Variants in TCF4 observed in about 807,000 individuals in gnomAD.
TCF4 encodes transcription factor 4.
A neutral mutation model predicts 82.1 loss-of-function variants in TCF4; 3 were observed. The observed-to-expected ratio is 0.04, with a 90% CI of 0.02 to 0.09. The LOEUF (loss-of-function observed/expected upper bound fraction) is 0.09. TCF4 is among the 10% of genes least tolerant of loss of function. TCF4 has a pLI of 1.00. For synonymous variants in TCF4, 276 were observed against 309.6 expected (o/e 0.89, Z 1.14); for missense variants, 518 against 852.7 (o/e 0.61, Z 4.89).
chr18:55,276,592 T>C (rs1002679509), intron 9 of TCF4, among the ~76,000 whole-genome samples: 9 of 152,204 alleles, frequency 5.9e-5, no homozygotes, highest in African/African-American at 1.9e-4. Context: ...TATTAATGAT[T>C]GCTAATGTTT....
rs2144677717 is a variant in TCF4, at chr18:55,347,795, A to T, written c.549+2564T>A. 1.3e-5 allele frequency among the ~76,000 whole-genome samples: 2 copies of T among 152,290 alleles called. 1 individual carries two copies. The highest frequency in any genetic ancestry group is 4.1e-4 in the South Asian group (2 of 4,826). The stretch of plus-strand genomic sequence containing the variant: ...CCACTTCAAAATGGGGGGTAAAGTG[A>T]GTTGCCACAACAGATTGTGACAGAT... On this transcript the variant is annotated intron_variant, in intron 8 of 19. Transcript: ENST00000354452.
At chr18:55,373,203 AT>A (rs1457686994) in intron 6 of TCF4, among the ~76,000 whole-genome samples, 9 of 151,792 alleles carry the variant, frequency 5.9e-5, no homozygotes, top group African/African-American at 1.9e-4. Context: ...TATATAAAAA[AT>A]ATGTAATATA....
At chr18:55,366,790 AT>A (rs1453413668) in intron 6 of TCF4, among the ~76,000 whole-genome samples, 2 of 151,960 alleles carry the variant, frequency 1.3e-5, no homozygotes, top group East Asian at 3.9e-4. Flanking sequence ...CCATAGGGTC[AT>A]TTTTTTCATT....
chr18:55,370,424 A>T (rs1162588257), intron 6 of TCF4, among the ~76,000 whole-genome samples: 1 of 137,702 alleles, frequency 7.3e-6, no homozygotes, highest in Non-Finnish European at 1.6e-5. Flanking sequence ...ATAGATAGAC[A>T]GATGATAGAT....
At chr18:55,301,201 G>A (rs776073925) in intron 8 of TCF4, among the ~76,000 whole-genome samples, 1 of 152,086 alleles carries the variant, frequency 6.6e-6, no homozygotes, top group Non-Finnish European at 1.5e-5. Flanking sequence ...GCATCCCATT[G>A]TTCTCACAGC....
At chr18:55,311,841 G>C (rs2072562324) in intron 8 of TCF4, among the ~76,000 whole-genome samples, 1 of 152,162 alleles carries the variant, frequency 6.6e-6, no homozygotes, top group African/African-American at 2.4e-5. Context: ...AAAAATTTCT[G>C]AGGAATAAAC....
intron 15 of TCF4, among the ~76,000 whole-genome samples, chr18:55,246,449 A>C (rs1288092291): frequency 1.3e-5 from 2 of 152,132 alleles, no homozygotes; most frequent in Non-Finnish European, 2.9e-5. Flanking sequence ...ATTTGAGTAA[A>C]ATATGTATTC....
chr18:55,436,681 C>T (rs1205236785), intron 5 of TCF4, among the ~76,000 whole-genome samples: 1 of 152,172 alleles, frequency 6.6e-6, no homozygotes, highest in African/African-American at 2.4e-5. Context: ...CAGTGCTGAG[C>T]AGCCTGAGGT....
chr18:55,555,281 A>G (rs1240148363), intron 3 of TCF4, among the ~76,000 whole-genome samples: 1 of 152,160 alleles, frequency 6.6e-6, no homozygotes, highest in Non-Finnish European at 1.5e-5. Flanking sequence ...TGCGAATACT[A>G]AAAAGAAAGC....
At chr18:55,608,446 C>T (rs181760571) in intron 2 of TCF4, among the ~76,000 whole-genome samples, 3 of 144,702 alleles carry the variant, frequency 2.1e-5, no homozygotes, top group Admixed American at 1.5e-4. Flanking sequence ...AATAAATGGA[C>T]CTTGAGTATG....
intron 3 of TCF4, among the ~76,000 whole-genome samples, chr18:55,563,031 C>T (rs1012200943): frequency 1.3e-5 from 2 of 151,952 alleles, no homozygotes; most frequent in Non-Finnish European, 2.9e-5. Context: ...CTTGAGCCTA[C>T]GAGTTACGGA....
intron 3 of TCF4, among the ~76,000 whole-genome samples, chr18:55,489,458 G>GT (rs1433106125): frequency 3.3e-5 from 5 of 152,122 alleles, no homozygotes; most frequent in Non-Finnish European, 5.9e-5. Context: ...TACCAGGCGA[G>GT]TATCAGGGCA....
chr18:55,277,952 C>T (rs1003170861), intron 9 of TCF4, among the ~76,000 whole-genome samples: 6 of 152,122 alleles, frequency 3.9e-5, no homozygotes, highest in Non-Finnish European at 8.8e-5. Flanking sequence ...GCACAAAACG[C>T]ACCCAGGTGA....
At chr18:55,432,281 C>A (rs966097060) in intron 5 of TCF4, among the ~76,000 whole-genome samples, 1 of 151,982 alleles carries the variant, frequency 6.6e-6, no homozygotes, top group Non-Finnish European at 1.5e-5. Context: ...CCAGCCTGGG[C>A]GACAGAGTGA....
At chr18:55,484,393 G>T (rs1182545973) in intron 3 of TCF4, among the ~76,000 whole-genome samples, 1 of 152,152 alleles carries the variant, frequency 6.6e-6, no homozygotes, top group Non-Finnish European at 1.5e-5. Context: ...AATTAAAGAT[G>T]CATTTGAGAG....
At chr18:55,510,762 G>A (rs762733010) in intron 3 of TCF4, 5 of 1,278,044 alleles carry the variant, frequency 3.9e-6, no homozygotes, top group Non-Finnish European at 4.9e-6. Context: ...AACAGAACAT[G>A]AGTTAATGAT....
chr18:55,489,788 TGA>T (rs1391850425), intron 3 of TCF4, among the ~76,000 whole-genome samples: 1 of 152,134 alleles, frequency 6.6e-6, no homozygotes, highest in Non-Finnish European at 1.5e-5. Context: ...CAACACTCAA[TGA>T]GAGTCTGTTC....
intron 5 of TCF4, among the ~76,000 whole-genome samples, chr18:55,456,877 T>C (rs951193463): frequency 6.6e-6 from 1 of 152,164 alleles, no homozygotes; most frequent in Non-Finnish European, 1.5e-5. Context: ...TTTCATCAAA[T>C]TGTTTAAAAA....
rs2046668484 is a variant in TCF4, at chr18:55,226,892, AT to A, written c.*1142del. Reference sequence around the variant, plus strand: ...GGTAACACTTTAATCATTTTGTTAAATCACAGCCACTTTGATTATGTTATGT... The same window carrying A: ...GGTAACACTTTAATCATTTTGTTAAACACAGCCACTTTGATTATGTTATGT... On this transcript the variant is annotated 3_prime_UTR_variant, in exon 20 of 20. Coordinates refer to ENST00000354452, the MANE Select transcript of TCF4 (RefSeq NM_001083962.2). 6.6e-6 allele frequency: 1 copy of A among 152,656 alleles called. No individual in the cohort carries two copies. Among genetic ancestry groups the A allele is most frequent in the Non-Finnish European group, 1.5e-5 (1 of 68,038 alleles). The allele number at this position is 152,656 out of a possible 1,614,324, so 9.5% of individuals were successfully genotyped here. A position where few individuals can be genotyped will look rare whatever the true frequency, so the allele number is the denominator to read the frequency against.
Sources: gnomAD v4.1 joint callset for allele counts (sites outside exome capture counted in the v4.1 genomes callset) on GRCh38, gnomAD v4.1.1 for gene constraint, MANE v1.5 for transcripts, NCBI Gene and HGNC (gene_info 2026-07-23, HGNC 2026-07-21) for gene names.